ASIC2: variants seen among roughly 807,000 people sequenced by gnomAD.
ASIC2 encodes acid sensing ion channel subunit 2.
A neutral mutation model predicts 57.3 loss-of-function variants in ASIC2; 25 were observed. That is an observed-to-expected ratio of 0.44 (90% CI 0.32 to 0.61). The LOEUF (loss-of-function observed/expected upper bound fraction) is 0.61, where lower values mean the gene tolerates loss of function less well. ASIC2 is among the 20% of genes least tolerant of loss of function. The pLI, the probability that ASIC2 is intolerant of heterozygous loss-of-function variation, is 0.06. For synonymous variants in ASIC2, 319 were observed against 307.5 expected, an observed-to-expected ratio of 1.04 and a Z score of -0.39; for missense variants, 641 against 738.1, an observed-to-expected ratio of 0.87 and a Z score of 1.52.
chr17:33,514,175 T>C (rs1914502264), intron 1 of ASIC2, among the ~76,000 whole-genome samples: 1 of 152,204 alleles, frequency 6.6e-6, no homozygotes, highest in Admixed American at 6.5e-5. Flanking sequence ...TTTGCCTTCA[T>C]GCTGCATGCT....
chr17:33,186,727 C>A (rs1003208943), intron 1 of ASIC2, among the ~76,000 whole-genome samples: 1 of 152,122 alleles, frequency 6.6e-6, no homozygotes, highest in South Asian at 2.1e-4. Flanking sequence ...CAAAGCTGAT[C>A]CTCTTACAAC....
intron 1 of ASIC2, among the ~76,000 whole-genome samples, chr17:33,968,731 G>A (rs1181258364): frequency 6.6e-6 from 1 of 152,176 alleles, no homozygotes; most frequent in Non-Finnish European, 1.5e-5. Flanking sequence ...GCCTTACAGG[G>A]ACTCACCATA....
At chr17:33,808,194 G>T (rs1912321768) in intron 1 of ASIC2, among the ~76,000 whole-genome samples, 1 of 152,226 alleles carries the variant, frequency 6.6e-6, no homozygotes, top group Admixed American at 6.5e-5. Flanking sequence ...TGAGTTAAAT[G>T]GATCTGAGTT....
intron 1 of ASIC2, among the ~76,000 whole-genome samples, chr17:33,212,386 C>A (rs1027100296): frequency 3.3e-5 from 5 of 152,032 alleles, no homozygotes; most frequent in African/African-American, 2.4e-5. Flanking sequence ...GGCTACAATC[C>A]AAGGAATGTG....
rs549458692 is a variant in ASIC2, at chr17:33,967,540, C to G, written c.555+188438G>C. 2.0e-5 allele frequency among the ~76,000 whole-genome samples: 3 copies of G among 152,238 alleles called. No homozygotes were observed. In the South Asian group the frequency reaches 6.2e-4, roughly 32 times the overall value. On this transcript the variant is annotated intron_variant, in intron 1 of 9. Transcript: ENST00000359872. ...ATAAGCCATCACGCCTGGCCTGATT[C>G]GAATTCTTAAACACAACTTTGAAGG...
At chr17:33,609,991 C>G (rs1469926957) in intron 1 of ASIC2, among the ~76,000 whole-genome samples, 1 of 151,686 alleles carries the variant, frequency 6.6e-6, no homozygotes, top group South Asian at 2.1e-4. Context: ...TGCTGGCACC[C>G]TCGCCTGACA....
At chr17:33,613,182 G>A (rs759191082) in intron 1 of ASIC2, among the ~76,000 whole-genome samples, 5 of 152,038 alleles carry the variant, frequency 3.3e-5, no homozygotes, top group Admixed American at 1.3e-4. Context: ...ACGATTTCCC[G>A]GATAACCCCT....
intron 1 of ASIC2, among the ~76,000 whole-genome samples, chr17:33,936,975 C>T (rs1210977697): frequency 6.6e-6 from 1 of 152,218 alleles, no homozygotes; most frequent in African/African-American, 2.4e-5. Context: ...CCTCCACCTC[C>T]ACCAAGCCCA....
chr17:33,992,494 C>A (rs1906029335), intron 1 of ASIC2, among the ~76,000 whole-genome samples: 1 of 152,170 alleles, frequency 6.6e-6, no homozygotes, highest in Non-Finnish European at 1.5e-5. Context: ...TTTCAGTTAA[C>A]TGTGCACACA....
At chr17:33,128,665 T>C (rs2092333939) in intron 1 of ASIC2, among the ~76,000 whole-genome samples, 1 of 152,106 alleles carries the variant, frequency 6.6e-6, no homozygotes, top group Non-Finnish European at 1.5e-5. Flanking sequence ...TGTATCCCCA[T>C]TGGATTTGGG....
chr17:33,602,595 A>G (rs1363190332), intron 1 of ASIC2, among the ~76,000 whole-genome samples: 1 of 152,174 alleles, frequency 6.6e-6, no homozygotes, highest in African/African-American at 2.4e-5. Flanking sequence ...AGCAGCACAA[A>G]ATAAATAGAT....
chr17:34,068,620 G>A (rs746936086), intron 1 of ASIC2, among the ~76,000 whole-genome samples: 1 of 152,210 alleles, frequency 6.6e-6, no homozygotes, highest in South Asian at 2.1e-4. Flanking sequence ...AAAGTCCCAT[G>A]AAGCTCTGTC....
intron 1 of ASIC2, among the ~76,000 whole-genome samples, chr17:33,399,591 G>A (rs890450456): frequency 6.6e-6 from 1 of 152,158 alleles, no homozygotes; most frequent in African/African-American, 2.4e-5. Context: ...ACCATATGCA[G>A]GCATAGTGTC....
intron 1 of ASIC2, among the ~76,000 whole-genome samples, chr17:33,630,933 C>G (rs1906145894): frequency 6.6e-6 from 1 of 152,218 alleles, no homozygotes; most frequent in South Asian, 2.1e-4. Context: ...AAAGTCCTAT[C>G]TCACCAAAAG....
intron 1 of ASIC2, among the ~76,000 whole-genome samples, chr17:33,191,843 G>A (rs1174391076): frequency 1.3e-5 from 2 of 152,152 alleles, no homozygotes; most frequent in Non-Finnish European, 2.9e-5. Context: ...GAATCATCCA[G>A]CAAACTTCTC....
At position 33,096,807 on chromosome 17, in the gene ASIC2, C is replaced by T. The variant is rs1338998611; in HGVS notation, c.860-7817G>A. 2.6e-5 allele frequency among the ~76,000 whole-genome samples: 4 copies of T among 152,078 alleles called. No individual in the cohort carries two copies. The East Asian group carries it at 7.7e-4, about 29-fold the overall frequency. On this transcript the variant is annotated intron_variant, in intron 2 of 9. Transcript: ENST00000225823. Reference sequence around the variant, plus strand: ...GTGAGCAATGAGCCATGGGATGATCCGGGAGAAAGTGTTCCAGGTGGAGGG... The same window carrying T: ...GTGAGCAATGAGCCATGGGATGATCTGGGAGAAAGTGTTCCAGGTGGAGGG...
intron 1 of ASIC2, among the ~76,000 whole-genome samples, chr17:33,807,534 T>C (rs1051892663): frequency 1.3e-5 from 2 of 152,130 alleles, no homozygotes. Flanking sequence ...GAGGGAGTAA[T>C]TCAGGGTTCA....
At chr17:33,211,910 G>C (rs73982462) in intron 1 of ASIC2, among the ~76,000 whole-genome samples, 3,855 of 152,232 alleles carry the variant, frequency 0.025, 180 homozygotes, top group African/African-American at 0.085. Flanking sequence ...AACACCTACA[G>C]TACACCAGCT....
chr17:33,243,490 G>T (rs114555508), intron 1 of ASIC2, among the ~76,000 whole-genome samples: 1 of 152,052 alleles, frequency 6.6e-6, no homozygotes, highest in African/African-American at 2.4e-5. Flanking sequence ...ACCTGAGGCC[G>T]GTTCCCAGGG....
Sources: allele counts gnomAD v4.1 joint callset (sites outside exome capture counted in the v4.1 genomes callset), GRCh38; gene constraint gnomAD v4.1.1; transcripts MANE v1.5; gene names NCBI Gene and HGNC (gene_info 2026-07-23, HGNC 2026-07-21).